The following NXPH1 variants were observed in gnomAD, a reference collection of about 807,000 sequenced individuals.
NXPH1 encodes the protein neurexophilin 1.
NXPH1 carries 5 observed loss-of-function variants against 23.7 expected under a neutral mutation model. The ratio of observed to expected loss-of-function variants is 0.21; its 90% CI spans 0.11 to 0.44. The LOEUF (loss-of-function observed/expected upper bound fraction) is 0.44, where lower values mean the gene tolerates loss of function less well. Ranked by LOEUF, NXPH1 falls within the 20% of genes least tolerant of loss-of-function variation. The probability of loss-of-function intolerance (pLI) is 0.99; values close to 1 mark genes in which losing one functional copy is unlikely to be tolerated. For synonymous variants in NXPH1, 144 were observed against 122.2 expected, an observed-to-expected ratio of 1.18 and a Z score of -1.18; for missense variants, 324 against 321.6, an observed-to-expected ratio of 1.01 and a Z score of -0.06.
chr7:8,751,521 A>C lies in NXPH1; in HGVS notation c.568A>C (p.Lys190Gln), dbSNP rs774123742. The C allele has an allele frequency of 5.0e-6, 8 of 1,613,680 alleles. No homozygotes were observed. Among genetic ancestry groups the C allele is most frequent in the Non-Finnish European group, 6.8e-6 (8 of 1,179,788 alleles). ...AACCGTGATTGATGCCAAAGATTCCAAGTCTTTTAATTGTCGCATTGAATA... is the reference window on the plus strand; with the variant it reads ...AACCGTGATTGATGCCAAAGATTCCCAGTCTTTTAATTGTCGCATTGAATA... The part of the protein sequence containing the change: ...QQTVIDAKDS[K>Q]SFNCRIEYEK... Residue 190 changes from lysine (K) to glutamine (Q), a missense_variant, in exon 3 of 3, where the codon AAG becomes CAG. Coordinates refer to ENST00000405863, the MANE Select transcript of NXPH1 (RefSeq NM_152745.3). The surrounding 1 kb of genome is among the most constrained non-coding windows in gnomAD (Gnocchi z 4.5).
At chr7:8,691,057 G>A (rs932596194) in intron 2 of NXPH1, among the ~76,000 whole-genome samples, 1 of 152,162 alleles carries the variant, frequency 6.6e-6, no homozygotes, top group Non-Finnish European at 1.5e-5. Context: ...GTGACATATG[G>A]CTCTCTCAGC....
At chr7:8,647,472 A>G (rs1380759155) in intron 2 of NXPH1, among the ~76,000 whole-genome samples, 3 of 152,132 alleles carry the variant, frequency 2.0e-5, no homozygotes, top group Non-Finnish European at 4.4e-5. Flanking sequence ...CAGTTCAGCC[A>G]TAAAATATAT....
intron 2 of NXPH1, among the ~76,000 whole-genome samples, chr7:8,694,887 A>G (rs1046203569): frequency 6.6e-6 from 1 of 152,212 alleles, no homozygotes; most frequent in Non-Finnish European, 1.5e-5. Context: ...ATTAAGTTTA[A>G]AATGAATACT....
At chr7:8,620,879 C>A (rs745857254) in intron 2 of NXPH1, among the ~76,000 whole-genome samples, 10 of 152,136 alleles carry the variant, frequency 6.6e-5, no homozygotes, top group African/African-American at 9.7e-5. Context: ...TGATCTCTTC[C>A]AGGTTGTATG....
intron 2 of NXPH1, among the ~76,000 whole-genome samples, chr7:8,533,012 G>C (rs1417654239): frequency 1.3e-5 from 2 of 152,112 alleles, no homozygotes; most frequent in Non-Finnish European, 2.9e-5. Context: ...ACTGTTCTGA[G>C]TGCTTTACAT....
chr7:8,566,026 A>C (rs1215886500), intron 2 of NXPH1, among the ~76,000 whole-genome samples: 2 of 151,816 alleles, frequency 1.3e-5, no homozygotes, highest in East Asian at 1.9e-4. Context: ...TGGTTACTCC[A>C]AAGTAGGTGG....
chr7:8,536,604 A>C (rs559284192), intron 2 of NXPH1, among the ~76,000 whole-genome samples: 1 of 114,296 alleles, frequency 8.7e-6, no homozygotes, highest in African/African-American at 3.6e-5. Flanking sequence ...GACCATTGGT[A>C]GACTTAAAAA....
At chr7:8,743,466 C>T (rs567695560) in intron 2 of NXPH1, among the ~76,000 whole-genome samples, 1 of 152,018 alleles carries the variant, frequency 6.6e-6, no homozygotes, top group East Asian at 1.9e-4. Context: ...CATTTTGTCA[C>T]GTACAGCCAG....
chr7:8,741,917 A>AAC (rs1780374453), intron 2 of NXPH1, among the ~76,000 whole-genome samples: 1 of 152,036 alleles, frequency 6.6e-6, no homozygotes, highest in Non-Finnish European at 1.5e-5. Flanking sequence ...AAATAGAAAG[A>AAC]ACATCTTTCA....
intron 2 of NXPH1, among the ~76,000 whole-genome samples, chr7:8,497,085 C>G (rs951885621): frequency 6.6e-6 from 1 of 152,114 alleles, no homozygotes; most frequent in African/African-American, 2.4e-5. Flanking sequence ...TTGTTCAGTT[C>G]CCACCTATGA....
intron 2 of NXPH1, among the ~76,000 whole-genome samples, chr7:8,557,787 C>G (rs1818384403): frequency 6.6e-6 from 1 of 151,714 alleles, no homozygotes; most frequent in Non-Finnish European, 1.5e-5. Flanking sequence ...CTGCTCAGCT[C>G]ACTTTTCAGG....
At chr7:8,517,202 G>T (rs995736825) in intron 2 of NXPH1, among the ~76,000 whole-genome samples, 10 of 152,094 alleles carry the variant, frequency 6.6e-5, no homozygotes, top group Non-Finnish European at 1.2e-4. Context: ...CGGGTGACTA[G>T]GCTGTTACAG....
intron 2 of NXPH1, among the ~76,000 whole-genome samples, chr7:8,732,039 C>T (rs12702771): frequency 0.14 from 20,718 of 152,300 alleles, 1,572 homozygotes; most frequent in South Asian, 0.2. Context: ...GATATAATCT[C>T]CTGGTGCGCC....
chr7:8,550,497 T>C (rs1318718881), intron 2 of NXPH1, among the ~76,000 whole-genome samples: 4 of 151,606 alleles, frequency 2.6e-5, no homozygotes, highest in Non-Finnish European at 5.9e-5. Flanking sequence ...TGGGCAATCC[T>C]ATAAAGTCTT....
At chr7:8,725,804 A>AT (rs34868585) in intron 2 of NXPH1, among the ~76,000 whole-genome samples, 12 of 151,198 alleles carry the variant, frequency 7.9e-5, no homozygotes, top group South Asian at 4.2e-4. Context: ...ATCTTTACCT[A>AT]TTTTTTTTTA....
intron 2 of NXPH1, among the ~76,000 whole-genome samples, chr7:8,446,776 T>C (rs921613266): frequency 6.6e-6 from 1 of 152,220 alleles, no homozygotes. Flanking sequence ...TATATTTATA[T>C]TGGGGGAATG....
intron 2 of NXPH1, among the ~76,000 whole-genome samples, chr7:8,438,597 C>T (rs1307450403): frequency 6.6e-6 from 1 of 152,156 alleles, no homozygotes; most frequent in Non-Finnish European, 1.5e-5. Flanking sequence ...GGAGTAATCA[C>T]CACATTAAGT....
Position 8,435,533 on chromosome 7 carries a change from T to C in NXPH1, c.-110-71T>C. On this transcript the variant is annotated intron_variant, in intron 1 of 2. Transcript: ENST00000405863. This position sits in a 1 kb window ranked among gnomAD's most constrained non-coding sequence, Gnocchi z 5.9. ...TCCCCCACTCCCCGCTACGACCCCC[T>C]TTCCCCGCTTGATTGTCAAGCCTAA... 3 of 520,398 alleles carry C rather than the reference T, an allele frequency of 5.8e-6. No individual in the cohort carries two copies. Among genetic ancestry groups the C allele is most frequent in the Non-Finnish European group, 7.1e-6 (2 of 280,068 alleles). 32.2% of individuals were successfully genotyped at this position (520,398 alleles called of 1,614,324 possible).
chr7:8,494,570 G>C (rs1162048847), intron 2 of NXPH1, among the ~76,000 whole-genome samples: 1 of 150,690 alleles, frequency 6.6e-6, no homozygotes, highest in Non-Finnish European at 1.5e-5. Flanking sequence ...GAAAATTGTT[G>C]CTTTTTAAAA....
Sources: gnomAD v4.1 joint callset for allele counts (sites outside exome capture counted in the v4.1 genomes callset) on GRCh38, gnomAD v4.1.1 for gene constraint, Gnocchi (gnomAD v3.1) non-coding constraint, MANE v1.5 for transcripts, NCBI Gene and HGNC (gene_info 2026-07-23, HGNC 2026-07-21) for gene names.